Variants in MEGF10 observed in about 807,000 individuals in gnomAD.
The protein encoded by MEGF10 is multiple epidermal growth factor-like domains protein 10.
In MEGF10, 86 loss-of-function variants were observed where a neutral mutation model predicts 147.5. The observed-to-expected ratio is 0.58, with a 90% CI of 0.49 to 0.70. The LOEUF is 0.70. Ranked by LOEUF, MEGF10 falls within the 30% of genes least tolerant of loss-of-function variation. The pLI is 0.00. For synonymous variants in MEGF10, 478 were observed against 525.5 expected (o/e 0.91, Z 1.24); for missense variants, 1,329 against 1,487.3 (o/e 0.89, Z 1.75).
chr5:127,372,152 C>G (rs1024142871), intron 5 of MEGF10, among the ~76,000 whole-genome samples: 1 of 152,108 alleles, frequency 6.6e-6, no homozygotes, highest in Admixed American at 6.5e-5. Flanking sequence ...ATTTCCATCT[C>G]CCCCCTGCTT....
chr5:127,371,190 ACTGTGT>A (rs1474739527), intron 5 of MEGF10, among the ~76,000 whole-genome samples: 68 of 93,760 alleles, frequency 7.3e-4, no homozygotes, highest in East Asian at 4.7e-3. Flanking sequence ...AGGGACTGGG[ACTGTGT>A]GTGTGTGTGT....
chr5:127,418,513 T>C (rs1001175725), intron 10 of MEGF10, among the ~76,000 whole-genome samples: 2 of 152,226 alleles, frequency 1.3e-5, no homozygotes, highest in African/African-American at 4.8e-5. Context: ...TTTTCTAACC[T>C]ATGTCATAAC....
the MEGF10 span, among the ~76,000 whole-genome samples, chr5:127,240,744 C>G: frequency 1.3e-5 from 2 of 152,120 alleles, no homozygotes; most frequent in Non-Finnish European, 2.9e-5. Flanking sequence ...ATATTGTTTT[C>G]TAAAATTAAA....
At chr5:127,232,180 T>C in the MEGF10 span, among the ~76,000 whole-genome samples, 3 of 152,244 alleles carry the variant, frequency 2.0e-5, no homozygotes, top group African/African-American at 7.2e-5. Flanking sequence ...AATGATCTTA[T>C]TGATTTTCAA....
At chr5:127,410,119 C>A (rs1270731282) in intron 8 of MEGF10, among the ~76,000 whole-genome samples, 1 of 152,160 alleles carries the variant, frequency 6.6e-6, no homozygotes. Context: ...GCCTCATGTC[C>A]TAAGCTCCTA....
chr5:127,433,521 A>T lies in MEGF10; in HGVS notation c.1840+12A>T. The stretch of plus-strand genomic sequence containing the variant: ...CACTTGTCAGAGGAGTAAGTGTCTC[A>T]TTAGGCAGTAATTTCCACCTTCCCT... On this transcript the variant is annotated intron_variant, in intron 14 of 24. Transcript: ENST00000503335. The T allele has an allele frequency of 6.3e-7, 1 of 1,582,274 alleles. No homozygotes were observed. The highest frequency in any genetic ancestry group is 8.6e-7 in the Non-Finnish European group (1 of 1,163,440).
At chr5:127,420,901 T>A (rs922827386) in intron 12 of MEGF10, among the ~76,000 whole-genome samples, 1 of 152,202 alleles carries the variant, frequency 6.6e-6, no homozygotes, top group Non-Finnish European at 1.5e-5. Flanking sequence ...ATTCTCTCTG[T>A]GGTGTGTGTT....
chr5:127,390,342 T>A (rs1199656837), intron 5 of MEGF10, among the ~76,000 whole-genome samples: 1 of 151,870 alleles, frequency 6.6e-6, no homozygotes, highest in Non-Finnish European at 1.5e-5. Context: ...CAGGTTGGAG[T>A]TCAGTAGAGC....
chr5:127,254,348 C>G, the MEGF10 span, among the ~76,000 whole-genome samples: 1 of 152,130 alleles, frequency 6.6e-6, no homozygotes, highest in South Asian at 2.1e-4. Flanking sequence ...ATATAAATAG[C>G]ATTCACAGGT....
intron 19 of MEGF10, among the ~76,000 whole-genome samples, chr5:127,444,153 G>A (rs1368512544): frequency 6.6e-6 from 1 of 152,208 alleles, no homozygotes; most frequent in Non-Finnish European, 1.5e-5. Flanking sequence ...GCCCTCCAGA[G>A]AGCCACAGCT....
chr5:127,311,201 G>A (rs1182896573), intron 1 of MEGF10, among the ~76,000 whole-genome samples: 3 of 152,024 alleles, frequency 2.0e-5, no homozygotes, highest in African/African-American at 7.3e-5. Flanking sequence ...ATTATATTCT[G>A]TGTACAAAAA....
intron 4 of MEGF10, among the ~76,000 whole-genome samples, chr5:127,354,401 A>G (rs553209438): frequency 6.6e-6 from 1 of 152,270 alleles, no homozygotes; most frequent in South Asian, 2.1e-4. Context: ...ATATTATGTT[A>G]TTTTAGACTG....
At chr5:127,386,809 C>A (rs1763451913) in intron 5 of MEGF10, among the ~76,000 whole-genome samples, 1 of 152,218 alleles carries the variant, frequency 6.6e-6, no homozygotes, top group Non-Finnish European at 1.5e-5. Flanking sequence ...TTTTCTAGGG[C>A]ATTCTTTTTG....
chr5:127,345,133 T>C lies in MEGF10; in HGVS notation c.319+4503T>C, dbSNP rs79763759. Among the ~76,000 whole-genome samples, 755 of 152,310 alleles carry C rather than the reference T, an allele frequency of 5.0e-3. 8 individuals carry two copies. The highest frequency in any genetic ancestry group is 0.017 in the African/African-American group (691 of 41,576). On this transcript the variant is annotated intron_variant, in intron 4 of 24. Coordinates refer to ENST00000503335, the MANE Select transcript of MEGF10 (RefSeq NM_001256545.2). ...GCTCTCATTTCATGTTTATGTGCAA[T>C]AGAAGCAGCAGGTGGTCACTGAATG...
the MEGF10 span, among the ~76,000 whole-genome samples, chr5:127,230,544 A>G: frequency 7.5e-6 from 1 of 132,860 alleles, no homozygotes. Context: ...AGAGACTTAG[A>G]AAGTGAGATG....
intron 5 of MEGF10, among the ~76,000 whole-genome samples, chr5:127,391,100 GCGCACACACACACACACACA>G (rs1436115816): frequency 4.2e-4 from 17 of 40,118 alleles, no homozygotes; most frequent in East Asian, 1.9e-3. Flanking sequence ...GCGCGCGCGC[GCGCACACACACACACACACA>G]CACACACACA....
intron 8 of MEGF10, among the ~76,000 whole-genome samples, chr5:127,408,891 A>G (rs937523479): frequency 5.9e-5 from 9 of 152,170 alleles, no homozygotes; most frequent in Admixed American, 3.3e-4. Flanking sequence ...AGCCTGGGTA[A>G]CATAGCAAGA....
At chr5:127,418,785 A>G (rs1764873272) in intron 10 of MEGF10, among the ~76,000 whole-genome samples, 1 of 152,204 alleles carries the variant, frequency 6.6e-6, no homozygotes, top group Admixed American at 6.5e-5. Flanking sequence ...AATTTTACAG[A>G]TACAATTTAT....
At chr5:127,385,055 G>C (rs1353433809) in intron 5 of MEGF10, among the ~76,000 whole-genome samples, 1 of 152,126 alleles carries the variant, frequency 6.6e-6, no homozygotes, top group Admixed American at 6.5e-5. Flanking sequence ...TGAGACAGTG[G>C]AAAATTATTT....
Sources: allele counts gnomAD v4.1 joint callset (sites outside exome capture counted in the v4.1 genomes callset), GRCh38; gene constraint gnomAD v4.1.1; transcripts MANE v1.5; gene names NCBI Gene and HGNC (gene_info 2026-07-23, HGNC 2026-07-21).